Variants in NUMB observed in about 807,000 individuals in gnomAD.
The protein encoded by NUMB is protein numb homolog.
Under a neutral mutation model 59.7 loss-of-function variants are expected in NUMB, and 29 were observed. The ratio of observed to expected loss-of-function variants is 0.49; its 90% CI spans 0.36 to 0.66. The LOEUF is 0.66. Among genes scored for constraint, NUMB ranks in the 30% least tolerant of loss-of-function variants. NUMB has a pLI of 0.00. For synonymous variants in NUMB, 288 were observed against 288.2 expected (o/e 1.00, Z 0.01); for missense variants, 723 against 822.0 (o/e 0.88, Z 1.47).
chr14:73,293,451 G>A (rs2139834420), intron 7 of NUMB, among the ~76,000 whole-genome samples: 1 of 147,326 alleles, frequency 6.8e-6, no homozygotes, highest in African/African-American at 2.5e-5. Context: ...GAGTGCAGTG[G>A]CGCGATCTTG....
At chr14:73,359,320 T>C (rs1487962979) in intron 3 of NUMB, among the ~76,000 whole-genome samples, 1 of 152,198 alleles carries the variant, frequency 6.6e-6, no homozygotes. Flanking sequence ...CACTCCAGCC[T>C]GGGCAGCAGA....
chr14:73,371,241 T>A lies in NUMB; in HGVS notation c.-100-4260A>T, dbSNP rs549150538. 6.6e-5 allele frequency among the ~76,000 whole-genome samples: 10 copies of A among 152,234 alleles called. No homozygotes were observed. The South Asian group carries it at 2.1e-3, about 32-fold the overall frequency. On this transcript the variant is annotated intron_variant, in intron 2 of 12. Coordinates refer to ENST00000555238, the MANE Select transcript of NUMB (RefSeq NM_001005743.2). ...TAAGCAAATCAGTACCAATGTTAAA[T>A]TTACTATATAACAGCCGGGCTCAGT... is the stretch of plus-strand genomic sequence containing the variant.
chr14:73,361,084 T>C (rs1894076675), intron 3 of NUMB, among the ~76,000 whole-genome samples: 1 of 152,124 alleles, frequency 6.6e-6, no homozygotes, highest in Admixed American at 6.5e-5. Context: ...GAGATGGGGT[T>C]TTGCCATGTT....
chr14:73,354,590 C>A (rs1340948511), intron 4 of NUMB, among the ~76,000 whole-genome samples: 2 of 150,462 alleles, frequency 1.3e-5, no homozygotes, highest in African/African-American at 4.9e-5. Flanking sequence ...ACTTTGGGGG[C>A]TGAGGCGGGA....
chr14:73,394,129 A>G (rs1307128625), intron 2 of NUMB, among the ~76,000 whole-genome samples: 1 of 151,838 alleles, frequency 6.6e-6, no homozygotes, highest in Non-Finnish European at 1.5e-5. Flanking sequence ...TTAATTTTCT[A>G]TTTTTAGTAG....
At chr14:73,319,453 C>T (rs1891277036) in intron 5 of NUMB, among the ~76,000 whole-genome samples, 1 of 152,164 alleles carries the variant, frequency 6.6e-6, no homozygotes, top group African/African-American at 2.4e-5. Context: ...TAAACTCTGG[C>T]ATTCAAACTA....
intron 2 of NUMB, among the ~76,000 whole-genome samples, chr14:73,371,077 G>C (rs748986566): frequency 6.6e-6 from 1 of 151,866 alleles, no homozygotes; most frequent in African/African-American, 2.4e-5. Flanking sequence ...GCGTGAGCCC[G>C]CATCAGGTCC....
At position 73,276,702 on chromosome 14, in the gene NUMB, C is replaced by T. The variant is rs1035223232; in HGVS notation, c.1832G>A (p.Cys611Tyr). Residue 611 changes from cysteine to tyrosine, a missense_variant, in exon 13 of 13, where the codon TGC becomes TAC. By Grantham distance (194) the Cys-to-Tyr change is radical. Transcript: ENST00000555238. ...CTGGGCTTCAAAAGGATCCACTGGG[C>T]AGGTGCCTGTAGGAACCTCTGTATG... ...DRHTEVPTGT[C>Y]PVDPFEAQWA... The T allele has an allele frequency of 6.2e-7, 1 of 1,614,170 alleles. No homozygotes were observed.
At chr14:73,440,334 C>T (rs1882960178) in intron 1 of NUMB, among the ~76,000 whole-genome samples, 1 of 147,804 alleles carries the variant, frequency 6.8e-6, no homozygotes. Flanking sequence ...AATTGTTGAG[C>T]CCCTTCCCCC....
rs71112737 is a variant in NUMB at position 73,353,072 on chromosome 14, GTTTTTTTTTTTT to G, written c.126+2542_126+2553del. On this transcript the variant is annotated intron_variant, in intron 4 of 12. Coordinates refer to ENST00000555238, the MANE Select transcript of NUMB (RefSeq NM_001005743.2). The stretch of plus-strand genomic sequence containing the variant: ...CTTAATGGATGCCACAGTTTTTCTT[GTTTTTTTTTTTT>G]TTTTTTTTTTTTTTTTTGAGACAGA... 5.3e-4 allele frequency among the ~76,000 whole-genome samples: 31 copies of G among 58,524 alleles called. 1 individual carries two copies. Among genetic ancestry groups the G allele is most frequent in the African/African-American group, 1.3e-3 (23 of 17,570 alleles). The allele number at this position is 58,524 out of a possible 152,430, so 38.4% of individuals were successfully genotyped here. A position where few individuals can be genotyped will look rare whatever the true frequency, so the allele number is the denominator to read the frequency against.
At chr14:73,426,020 G>A (rs1897562250) in intron 1 of NUMB, among the ~76,000 whole-genome samples, 1 of 151,970 alleles carries the variant, frequency 6.6e-6, no homozygotes, top group Admixed American at 6.6e-5. Context: ...ATGTTCTCCA[G>A]TCTAGTCTCA....
intron 6 of NUMB, among the ~76,000 whole-genome samples, chr14:73,299,741 T>C (rs542564915): frequency 2.6e-5 from 4 of 152,212 alleles, no homozygotes; most frequent in Admixed American, 2.0e-4. Context: ...AAGTATTAAA[T>C]ACTTTTTTTT....
At chr14:73,360,426 C>T (rs1894043029) in intron 3 of NUMB, among the ~76,000 whole-genome samples, 1 of 152,074 alleles carries the variant, frequency 6.6e-6, no homozygotes, top group Admixed American at 6.6e-5. Flanking sequence ...AGTGTGGTGG[C>T]GGGCACCTTG....
At chr14:73,309,846 A>T (rs749402381) in intron 6 of NUMB, among the ~76,000 whole-genome samples, 4 of 151,660 alleles carry the variant, frequency 2.6e-5, no homozygotes, top group Non-Finnish European at 5.9e-5. Flanking sequence ...TGTAGATTTG[A>T]ATATACTAAT....
intron 2 of NUMB, among the ~76,000 whole-genome samples, chr14:73,406,617 C>G (rs1158560323): frequency 6.6e-6 from 1 of 152,148 alleles, no homozygotes; most frequent in Non-Finnish European, 1.5e-5. Flanking sequence ...CCCAGTAATG[C>G]AATGGCTGGG....
At chr14:73,352,455 CACATACACACACACACACACACATATAT>C (rs1248333293) in intron 4 of NUMB, among the ~76,000 whole-genome samples, 27 of 20,188 alleles carry the variant, frequency 1.3e-3, no homozygotes, top group East Asian at 3.8e-3. Context: ...CACACACACA[CACATACACACACACACACACACATATAT>C]ATATATATAT....
chr14:73,334,334 T>G (rs1892169908), intron 4 of NUMB, among the ~76,000 whole-genome samples: 1 of 152,248 alleles, frequency 6.6e-6, no homozygotes, highest in Admixed American at 6.5e-5. Flanking sequence ...CTCTATTGTT[T>G]TCTTTTTTTG....
chr14:73,357,666 G>A (rs1333460409), intron 3 of NUMB, among the ~76,000 whole-genome samples: 2 of 152,050 alleles, frequency 1.3e-5, no homozygotes, highest in Non-Finnish European at 2.9e-5. Context: ...AGGAGGCTGA[G>A]GCAGAAGAAT....
chr14:73,358,302 T>C (rs556304602), intron 3 of NUMB, among the ~76,000 whole-genome samples: 2 of 152,314 alleles, frequency 1.3e-5, no homozygotes, highest in Admixed American at 6.5e-5. Context: ...AATCTGACCA[T>C]GTATCCACTC....
Sources: allele counts gnomAD v4.1 joint callset (sites outside exome capture counted in the v4.1 genomes callset), GRCh38; gene constraint gnomAD v4.1.1; transcripts MANE v1.5; gene names NCBI Gene and HGNC (gene_info 2026-07-23, HGNC 2026-07-21).